The following BOD1L1 variants were observed in gnomAD, a reference collection of about 807,000 sequenced individuals.
BOD1L1 encodes the protein biorientation of chromosomes in cell division 1 like 1.
A neutral mutation model predicts 240.7 loss-of-function variants in BOD1L1; 86 were observed. The observed-to-expected ratio is 0.36, with a 90% confidence interval of 0.30 to 0.43. The LOEUF (loss-of-function observed/expected upper bound fraction) is 0.43, where lower values mean the gene tolerates loss of function less well. Among genes scored for constraint, BOD1L1 ranks in the 20% least tolerant of loss-of-function variants. The probability of loss-of-function intolerance (pLI) is 1.00; values close to 1 mark genes in which losing one functional copy is unlikely to be tolerated. For missense variants in BOD1L1, 3,554 were observed against 3,643.5 expected, an observed-to-expected ratio of 0.98 and a Z score of 0.63; for synonymous variants, 1,268 against 1,272.3, an observed-to-expected ratio of 1.00 and a Z score of 0.07.
intron 18 of BOD1L1, 125 bp from the exon 19 acceptor site, chr4:13,582,435 T>C: frequency 1.3e-6 from 1 of 785,280 alleles, no homozygotes; most frequent in Non-Finnish European, 2.1e-6. Flanking sequence ...GTTTCTACCA[T>C]CAAAATTAAC....
chr4:13,594,936 C>T (rs955228230), intron 12 of BOD1L1, among the ~76,000 whole-genome samples: 3 of 152,078 alleles, frequency 2.0e-5, no homozygotes, highest in African/African-American at 7.2e-5. Flanking sequence ...AAAACAAAAA[C>T]CCAACCGTCT....
intron 21 of BOD1L1, 176 bp from the exon 22 acceptor site, chr4:13,580,149 T>A: frequency 1.8e-6 from 1 of 562,868 alleles, no homozygotes. Flanking sequence ...CCTGAGCTTC[T>A]AAATACAGAC....
At chr4:13,572,710 T>G (rs1330000883) in intron 25 of BOD1L1, 1 of 1,289,800 alleles carries the variant, frequency 7.8e-7, no homozygotes, top group South Asian at 1.2e-5. Context: ...ACCTTCCTAA[T>G]GGGGGAGAGT....
Position 13,590,406 on chromosome 4 carries a change from CTA to C in BOD1L1, c.8187_8188del (p.His2729GlnfsTer5). ...CTTACCTCCTTTGTTATAAGATTCG[CTA>C]TGAATTTCTTCATTTGTTCTGAAGC... On this transcript the variant is annotated frameshift_variant, in exon 14 of 26. Transcript: ENST00000040738. LOFTEE classifies it high-confidence loss of function. 1.3e-6 allele frequency: 2 copies of C among 1,511,932 alleles called. No individual in the cohort carries two copies. The highest frequency in any genetic ancestry group is 1.8e-6 in the Non-Finnish European group (2 of 1,102,966). 93.7% of individuals were successfully genotyped at this position (1,511,932 alleles called of 1,614,324 possible). A position where few individuals can be genotyped will look rare whatever the true frequency, so the allele number is the denominator to read the frequency against.
rs1715296611 is a variant in BOD1L1, at chr4:13,602,613, T to C, written c.4287A>G (p.Thr1429=). The change falls in exon 10 of 26, where the codon ACA becomes ACG. Residue 1429 remains threonine, a synonymous_variant. Coordinates refer to ENST00000040738, the MANE Select transcript of BOD1L1 (RefSeq NM_148894.3). ...EPNLKQTIKA[T]VENGKKDGIA... is the part of the protein sequence containing the mutation. Reference sequence around the variant, plus strand: ...TGCCATCCTTCTTGCCATTCTCTACTGTTGCTTTAATTGTCTGCTTTAAAT... The same window carrying C: ...TGCCATCCTTCTTGCCATTCTCTACCGTTGCTTTAATTGTCTGCTTTAAAT... The C allele has an allele frequency of 6.2e-7, 1 of 1,614,044 alleles. No individual in the cohort carries two copies. Among genetic ancestry groups the C allele is most frequent in the Non-Finnish European group, 8.5e-7 (1 of 1,179,902 alleles).
intron 7 of BOD1L1, 21 bp downstream of exon 7, chr4:13,609,274 A>G: frequency 7.3e-7 from 1 of 1,371,874 alleles, no homozygotes; most frequent in Non-Finnish European, 9.7e-7. Context: ...AGTTTAAAAT[A>G]TTAAAAGTTG....
At position 13,608,619 on chromosome 4, in the gene BOD1L1, A is replaced by G. The variant is rs775025487; in HGVS notation, c.1653T>C (p.Pro551=). ...LEESSTKSLE[P]KAARIKEVLK... Reference sequence around the variant, plus strand: ...GGACTTCTTTAATTCTGGCGGCTTTAGGTTCCAAACTCTTTGTTGATGATT... The same window carrying G: ...GGACTTCTTTAATTCTGGCGGCTTTGGGTTCCAAACTCTTTGTTGATGATT... The change falls in exon 8 of 26, where the codon CCT becomes CCC. Residue 551 remains proline (P), a synonymous_variant. Transcript: ENST00000040738. 15 of 1,562,742 alleles carry G rather than the reference A, an allele frequency of 9.6e-6. No individual in the cohort carries two copies. The highest frequency in any genetic ancestry group is 3.9e-5 in the Admixed American group (2 of 51,460).
In BOD1L1 at chr4:13,616,441, AG is replaced by A. The variant is rs1329194131; in HGVS notation, c.369-940del. ...ATATACAAGAGACAAAAGAGCGATG[AG>A]GACAACAATCTGTGAAATGTGCTTC... On this transcript the variant is annotated intron_variant, in intron 2 of 25. Coordinates refer to ENST00000040738, the MANE Select transcript of BOD1L1 (RefSeq NM_148894.3). 3.9e-5 allele frequency among the ~76,000 whole-genome samples: 6 copies of A among 152,258 alleles called. No homozygotes were observed. In the East Asian group the frequency reaches 1.2e-3, roughly 29 times the overall value.
chr4:13,603,306 A>G lies in BOD1L1; in HGVS notation c.3594T>C (p.Asp1198=), dbSNP rs1715382975. The part of the protein sequence containing the change: ...GVNSNSEKHA[D]HRSTLTKKMH... ...TTTTCTTGGTCAAGGTGCTTCTATG[A>G]TCGGCATGCTTTTCAGAATTACTAT... The change falls in exon 10 of 26, where the codon GAT becomes GAC. Residue 1198 remains aspartate, a synonymous_variant. Coordinates refer to ENST00000040738, the MANE Select transcript of BOD1L1 (RefSeq NM_148894.3). 6.2e-7 allele frequency: 1 copy of G among 1,613,956 alleles called. No homozygotes were observed.
chr4:13,610,605 A>C (rs1716082293), intron 6 of BOD1L1, among the ~76,000 whole-genome samples: 1 of 152,264 alleles, frequency 6.6e-6, no homozygotes, highest in Non-Finnish European at 1.5e-5. Context: ...TATAAGAAAC[A>C]CAAAGGAATT....
chr4:13,599,359 T>C lies in BOD1L1; in HGVS notation c.7541A>G (p.Gln2514Arg). 6.2e-7 allele frequency: 1 copy of C among 1,614,018 alleles called. No individual in the cohort carries two copies. Among genetic ancestry groups the C allele is most frequent in the Non-Finnish European group, 8.5e-7 (1 of 1,179,900 alleles). The stretch of plus-strand genomic sequence containing the variant: ...GCTGACAGAGGGATCCTTAGCCGTC[T>C]GCCCAGACGTCTGTTCTGGTCCTCT... ...HLRGPEQTSG[Q>R]TAKDPSVSIR... Residue 2514 changes from glutamine to arginine, a missense_variant, in exon 10 of 26, where the codon CAG becomes CGG. Physicochemically the swap from Gln to Arg is conservative, Grantham distance 43 (BLOSUM62 1). Transcript: ENST00000040738.
intron 8 of BOD1L1, among the ~76,000 whole-genome samples, chr4:13,607,533 T>C (rs1159071085): frequency 1.3e-5 from 2 of 152,162 alleles, no homozygotes; most frequent in Non-Finnish European, 2.9e-5. Context: ...CCTGACCTCA[T>C]GTGTTCCACC....
chr4:13,599,987 T>C lies in BOD1L1; in HGVS notation c.6913A>G (p.Met2305Val), dbSNP rs903765439. ...TSTSEGCEAV[M>V]IGAVLQDEDR... ...TCATCCTGGAGGACAGCACCAATCA[T>C]GACTGCTTCACACCCTTCAGAGGTG... Residue 2305 changes from methionine (M) to valine (V), a missense_variant, in exon 10 of 26, where the codon ATG becomes GTG. Met to Val is a conservative substitution (Grantham distance 21). Transcript: ENST00000040738. The C allele has an allele frequency of 9.9e-6, 16 of 1,610,960 alleles. No individual in the cohort carries two copies. Among genetic ancestry groups the C allele is most frequent in the Non-Finnish European group, 1.4e-5 (16 of 1,178,514 alleles).
Position 13,627,657 on chromosome 4 carries a change from TC to T in BOD1L1, c.-71del. On this transcript the variant is annotated 5_prime_UTR_variant, in exon 1 of 26. Coordinates refer to ENST00000040738, the MANE Select transcript of BOD1L1 (RefSeq NM_148894.3). ...TCCTGGGAGGCGGCGGCTGCACTGG[TC>T]CCGCCGCCTGAGGGAAGCCAACGGG... 1 of 1,063,650 alleles carries T rather than the reference TC, an allele frequency of 9.4e-7. No individual in the cohort carries two copies. Among genetic ancestry groups the T allele is most frequent in the Non-Finnish European group, 1.1e-6 (1 of 878,374 alleles). 65.9% of individuals were successfully genotyped at this position (1,063,650 alleles called of 1,614,324 possible).
chr4:13,593,634 C>T (rs1714394125), intron 12 of BOD1L1: 1 of 152,074 alleles, frequency 6.6e-6, no homozygotes, highest in South Asian at 2.1e-4. Context: ...GAAGCTGACT[C>T]CCACAGTCAA....
intron 7 of BOD1L1, among the ~76,000 whole-genome samples, 174 bp downstream of exon 7, chr4:13,609,121 A>G (rs1715955299): frequency 6.6e-6 from 1 of 152,148 alleles, no homozygotes; most frequent in South Asian, 2.1e-4. Context: ...AGATTTAGCA[A>G]TTTAATAAAA....
At position 13,615,446 on chromosome 4, in the gene BOD1L1, T is replaced by C; in HGVS notation, c.425A>G (p.Lys142Arg). ...DRIISQVVDP[K>R]INHTFRPQVE... The stretch of plus-strand genomic sequence containing the variant: ...CTGAGGTCTGAATGTGTGGTTGATC[T>C]TTGGGTCCACAACCTGAGAAATAAT... The change falls in exon 3 of 26, where the codon AAG becomes AGG. Residue 142 changes from lysine to arginine, a missense_variant. Transcript: ENST00000040738. The C allele has an allele frequency of 1.2e-6, 2 of 1,613,644 alleles. No individual in the cohort carries two copies. The highest frequency in any genetic ancestry group is 1.7e-6 in the Non-Finnish European group (2 of 1,179,662).
chr4:13,599,768 G>C lies in BOD1L1; in HGVS notation c.7132C>G (p.Leu2378Val). 6.2e-7 allele frequency: 1 copy of C among 1,613,988 alleles called. No homozygotes were observed. The highest frequency in any genetic ancestry group is 8.5e-7 in the Non-Finnish European group (1 of 1,179,890). Residue 2378 changes from leucine to valine, a missense_variant, in exon 10 of 26, where the codon CTA (leucine) becomes GTA (valine). Leu to Val is a conservative substitution (Grantham distance 32). Around this residue, in one of 2 missense-constraint regions of BOD1L1, gnomAD observed 3,393 missense variants for 3,427.1 expected, o/e 0.99. Transcript: ENST00000040738. ...CACCGACAGTTATTCTCAGCAATTA[G>C]GCTGGGCATGGGGACCTTGTGCTTG... is the stretch of plus-strand genomic sequence containing the variant. ...VSKHKVPMPS[L>V]IAENNCRCPG...
intron 25 of BOD1L1, among the ~76,000 whole-genome samples, chr4:13,576,338 C>T (rs933087271): frequency 7.9e-5 from 12 of 152,114 alleles, no homozygotes; most frequent in Admixed American, 2.6e-4. Context: ...TTTGAGAGAA[C>T]ACATTTTGGG....
Sources: allele counts gnomAD v4.1 joint callset (sites outside exome capture counted in the v4.1 genomes callset), GRCh38; gene constraint gnomAD v4.1.1; regional missense constraint gnomAD v4.1.1; transcripts MANE v1.5; gene names NCBI Gene and HGNC (gene_info 2026-07-23, HGNC 2026-07-21).